Variants in CERK observed in about 807,000 individuals in gnomAD.
The protein encoded by CERK is ceramide kinase.
In CERK, 39 loss-of-function variants were observed where a neutral mutation model predicts 63.4. The ratio of observed to expected loss-of-function variants is 0.61; its 90% confidence interval spans 0.48 to 0.80. The LOEUF is 0.80. Ranked by LOEUF, CERK falls within the 30% of genes least tolerant of loss-of-function variation. The pLI, the probability that CERK is intolerant of heterozygous loss-of-function variation, is 0.00. For missense variants in CERK, 670 were observed against 714.1 expected, an observed-to-expected ratio of 0.94 and a Z score of 0.70; for synonymous variants, 302 against 280.0, an observed-to-expected ratio of 1.08 and a Z score of -0.78.
In CERK at chr22:46,707,915, C is replaced by A. The variant is rs753362414; in HGVS notation, c.643G>T (p.Ala215Ser). 1 of 1,613,784 alleles carries A rather than the reference C, an allele frequency of 6.2e-7. No individual in the cohort carries two copies. The highest frequency in any genetic ancestry group is 1.3e-5 in the African/African-American group (1 of 74,932). The stretch of plus-strand genomic sequence containing the variant: ...CGGGGGTGGTTCTGGTCGACCCCGG[C>A]GCTCCTCTGCGTCCTCCCAATCAGA... Reference protein sequence around the residue: ...HGLIGRTQRSAGVDQNHPRAV... With the variant: ...HGLIGRTQRSSGVDQNHPRAV... Residue 215 changes from alanine to serine, a missense_variant, in exon 6 of 13, where the codon GCC (alanine) becomes TCC (serine). Physicochemically the swap from Ala to Ser is moderately conservative, Grantham distance 99. Coordinates refer to ENST00000216264, the MANE Select transcript of CERK (RefSeq NM_022766.6).
intron 10 of CERK, among the ~76,000 whole-genome samples, chr22:46,693,132 C>A (rs544370437): frequency 1.3e-5 from 2 of 152,244 alleles, no homozygotes; most frequent in East Asian, 3.9e-4. Context: ...AATGGGACAT[C>A]TGCTGCCCCC....
rs1601709186 is a variant in CERK at position 46,692,638 on chromosome 22, C to T, written c.1126+789G>A. 2.6e-5 allele frequency among the ~76,000 whole-genome samples: 4 copies of T among 151,840 alleles called. 1 individual carries two copies. On this transcript the variant is annotated intron_variant, in intron 10 of 12. Coordinates refer to ENST00000216264, the MANE Select transcript of CERK (RefSeq NM_022766.6). Reference sequence around the variant, plus strand: ...AAATATTATTGACTGGGCATGGTGGCTCAGACCTGTGGTCCCAGCACTTTA... The same window carrying T: ...AAATATTATTGACTGGGCATGGTGGTTCAGACCTGTGGTCCCAGCACTTTA...
At chr22:46,728,977 G>T (rs999798000) in intron 1 of CERK, among the ~76,000 whole-genome samples, 3 of 152,338 alleles carry the variant, frequency 2.0e-5, no homozygotes, top group African/African-American at 4.8e-5. Flanking sequence ...GGCAGCCAGG[G>T]CCTCGGAGGC....
intron 5 of CERK, among the ~76,000 whole-genome samples, chr22:46,708,731 C>T (rs766594780): frequency 1.3e-5 from 2 of 152,180 alleles, no homozygotes; most frequent in Non-Finnish European, 2.9e-5. Flanking sequence ...GGCATGGAGA[C>T]AGACATGTCA....
rs1490073390 is a variant in CERK, at chr22:46,687,082, T to C, written c.*52A>G. On this transcript the variant is annotated 3_prime_UTR_variant, in exon 13 of 13. Coordinates refer to ENST00000216264, the MANE Select transcript of CERK (RefSeq NM_022766.6). Reference sequence around the variant, plus strand: ...ATCAACATAATTGGTCTGTAATAATTATCTTAAATAGTTTTCACACTTTCC... The same window carrying C: ...ATCAACATAATTGGTCTGTAATAATCATCTTAAATAGTTTTCACACTTTCC... 4.2e-6 allele frequency: 6 copies of C among 1,442,324 alleles called. No individual in the cohort carries two copies. Among genetic ancestry groups the C allele is most frequent in the South Asian group, 1.1e-5 (1 of 87,388 alleles). 89.3% of individuals were successfully genotyped at this position (1,442,324 alleles called of 1,614,324 possible).
chr22:46,694,088 T>C (rs1323354980), intron 9 of CERK, among the ~76,000 whole-genome samples: 3 of 152,016 alleles, frequency 2.0e-5, no homozygotes, highest in African/African-American at 7.2e-5. Flanking sequence ...CCTCTACATA[T>C]TCTGATTTTA....
At chr22:46,692,904 C>CAAAA (rs34255348) in intron 10 of CERK, among the ~76,000 whole-genome samples, 26 of 92,882 alleles carry the variant, frequency 2.8e-4, no homozygotes, top group Non-Finnish European at 3.6e-4. Context: ...AAACTCCATC[C>CAAAA]AAAAAAAAAA....
intron 3 of CERK, among the ~76,000 whole-genome samples, chr22:46,718,052 C>T (rs1262680282): frequency 2.6e-5 from 4 of 151,804 alleles, no homozygotes; most frequent in African/African-American, 9.7e-5. Flanking sequence ...CACTCCAGCC[C>T]GGATGATGGA....
intron 1 of CERK, among the ~76,000 whole-genome samples, chr22:46,726,574 T>C (rs904800126): frequency 1.3e-5 from 2 of 152,254 alleles, no homozygotes; most frequent in East Asian, 3.9e-4. Context: ...TGCAATGACA[T>C]GCAATGCAAA....
intron 7 of CERK, 102 bp downstream of exon 7, chr22:46,701,534 G>C (rs56066161): frequency 0.025 from 24,127 of 973,100 alleles, 357 homozygotes; most frequent in Non-Finnish European, 0.031. Flanking sequence ...GCCAGGACAG[G>C]ACGGCAACGG....
At chr22:46,687,484 C>G (rs545337802) in intron 12 of CERK, among the ~76,000 whole-genome samples, 1 of 152,328 alleles carries the variant, frequency 6.6e-6, no homozygotes, top group South Asian at 2.1e-4. Flanking sequence ...AAGGGGTTGC[C>G]AATGGCCAGG....
intron 9 of CERK, 42 bp from the exon 10 acceptor site, chr22:46,693,545 C>T (rs904813683): frequency 6.6e-7 from 1 of 1,509,158 alleles, no homozygotes; most frequent in African/African-American, 1.4e-5. Context: ...TATGGAGCTG[C>T]AGGTGCAGTG....
chr22:46,709,598 C>G (rs1381247224), intron 5 of CERK, among the ~76,000 whole-genome samples: 1 of 152,176 alleles, frequency 6.6e-6, no homozygotes, highest in Non-Finnish European at 1.5e-5. Flanking sequence ...CTGGAGGACC[C>G]TCAATAATGT....
intron 6 of CERK, among the ~76,000 whole-genome samples, chr22:46,703,617 G>A (rs1033295323): frequency 1.4e-4 from 22 of 152,266 alleles, no homozygotes; most frequent in Admixed American, 5.9e-4. Flanking sequence ...GCGATGCTGC[G>A]GAGCAGAGAC....
rs534081226 is a variant in CERK, at chr22:46,723,775, G to A, written c.143-2760C>T. On this transcript the variant is annotated intron_variant, in intron 1 of 12. Coordinates refer to ENST00000216264, the MANE Select transcript of CERK (RefSeq NM_022766.6). ...AGGTGTGGTGTGATCTTGGCTCGCT[G>A]CAACCTCCGCTTCCCAGGTTCAAGT... 7.4e-5 allele frequency among the ~76,000 whole-genome samples: 11 copies of A among 148,886 alleles called. No homozygotes were observed. The East Asian group carries it at 2.4e-3, about 33-fold the overall frequency.
In CERK at chr22:46,699,543, C is replaced by A. The variant is rs539130422; in HGVS notation, c.791-78G>T. ...ATCCACTCCATCCCCTTCAATAGCA[C>A]TTTGCAAACGTGGGAGTTACTTTTA... On this transcript the variant is annotated intron_variant, in intron 7 of 12. Transcript: ENST00000216264. The A allele has an allele frequency of 3.6e-4, 489 of 1,372,050 alleles. 3 individuals carry two copies. The South Asian group carries it at 5.6e-3, about 16-fold the overall frequency. 85.0% of individuals were successfully genotyped at this position (1,372,050 alleles called of 1,614,324 possible).
At chr22:46,690,646 TTAAG>T (rs1184474612) in intron 11 of CERK, among the ~76,000 whole-genome samples, 1 of 152,088 alleles carries the variant, frequency 6.6e-6, no homozygotes, top group African/African-American at 2.4e-5. Context: ...TAAATAGAAC[TTAAG>T]TAAAAAAAGA....
chr22:46,699,539 A>G, intron 7 of CERK, 74 bp from the exon 8 acceptor site: 1 of 1,402,228 alleles, frequency 7.1e-7, no homozygotes, highest in Non-Finnish European at 1.0e-6. Context: ...CCCCTTCAAT[A>G]GCACTTTGCA....
chr22:46,731,815 C>T (rs2082946784), intron 1 of CERK, among the ~76,000 whole-genome samples: 1 of 152,188 alleles, frequency 6.6e-6, no homozygotes, highest in African/African-American at 2.4e-5. Context: ...CCTGGAAGAA[C>T]TTTGTAGCAG....
Sources: gnomAD v4.1 joint callset for allele counts (sites outside exome capture counted in the v4.1 genomes callset) on GRCh38, gnomAD v4.1.1 for gene constraint, MANE v1.5 for transcripts, NCBI Gene and HGNC (gene_info 2026-07-23, HGNC 2026-07-21) for gene names.